Variants in CACNA1E observed in about 807,000 individuals in gnomAD.
The protein encoded by CACNA1E is calcium voltage-gated channel subunit alpha1 E.
In CACNA1E, 40 loss-of-function variants were observed where a neutral mutation model predicts 259.2. The ratio of observed to expected loss-of-function variants is 0.15; its 90% CI spans 0.12 to 0.20. The LOEUF is 0.20. CACNA1E is among the 10% of genes least tolerant of loss of function. CACNA1E has a pLI of 1.00. For synonymous variants in CACNA1E, 1,104 were observed against 1,138.5 expected, an observed-to-expected ratio of 0.97 and a Z score of 0.61; for missense variants, 1,874 against 3,040.1, an observed-to-expected ratio of 0.62 and a Z score of 9.02.
chr1:181,505,170 G>A (rs1349356222), intron 1 of CACNA1E, among the ~76,000 whole-genome samples: 1 of 152,116 alleles, frequency 6.6e-6, no homozygotes, highest in Non-Finnish European at 1.5e-5. Flanking sequence ...GTTGGGATGG[G>A]TTTTTGTGTT....
chr1:181,755,087 T>A (rs1657971766), intron 27 of CACNA1E, 150 bp from the exon 28 acceptor site: 3 of 575,616 alleles, frequency 5.2e-6, no homozygotes, highest in Non-Finnish European at 8.9e-6. Context: ...CTTAATCTCA[T>A]GAGCACCACC....
Position 181,739,267 on chromosome 1 carries a change from T to C in CACNA1E, c.3719+14T>C. Reference sequence around the variant, plus strand: ...CTTTGCTCTGGCGTAAGTGACTCTTTTCATATTTGATTCCCTTCCTTCCCC... The same window carrying C: ...CTTTGCTCTGGCGTAAGTGACTCTTCTCATATTTGATTCCCTTCCTTCCCC... On this transcript the variant is annotated intron_variant, in intron 25 of 47. Transcript: ENST00000367573. 1 of 1,528,944 alleles carries C rather than the reference T, an allele frequency of 6.5e-7. No homozygotes were observed. Among genetic ancestry groups the C allele is most frequent in the Non-Finnish European group, 9.1e-7 (1 of 1,102,618 alleles). The allele number at this position is 1,528,944 out of a possible 1,614,324, so 94.7% of individuals were successfully genotyped here.
In CACNA1E at chr1:181,485,322, T is replaced by C. The variant is rs909253407; in HGVS notation, c.266+1312T>C. ...CCCCAGGGCCTGGGCATCTCCCTAC[T>C]CCCCCAACCCCAGTCTCTGGCCTTC... On this transcript the variant is annotated intron_variant, in intron 1 of 47. Transcript: ENST00000367573. The surrounding 1 kb of genome is among the most constrained non-coding windows in gnomAD (Gnocchi z 4.2). Among the ~76,000 whole-genome samples, 1 of 152,038 alleles carries C rather than the reference T, an allele frequency of 6.6e-6. No individual in the cohort carries two copies. The highest frequency in any genetic ancestry group is 2.4e-5 in the African/African-American group (1 of 41,374).
At chr1:181,721,905 C>G (rs895400920) in intron 16 of CACNA1E, 30 bp downstream of exon 16, 14 of 1,373,190 alleles carry the variant, frequency 1.0e-5, no homozygotes, top group Non-Finnish European at 1.4e-5. Flanking sequence ...CCTCCTCAAG[C>G]TGCCTGCCTT....
At chr1:181,723,552 C>A (rs970164133) in intron 16 of CACNA1E, among the ~76,000 whole-genome samples, 1 of 152,198 alleles carries the variant, frequency 6.6e-6, no homozygotes, top group Non-Finnish European at 1.5e-5. Flanking sequence ...AATTCTGACG[C>A]TATCTACCTG....
At chr1:181,406,036 T>C (rs1657440856) in intron 1 of CACNA1E, among the ~76,000 whole-genome samples, 1 of 152,210 alleles carries the variant, frequency 6.6e-6, no homozygotes, top group African/African-American at 2.4e-5. Flanking sequence ...ACTAAGATCT[T>C]ATGGCCTGCA....
chr1:181,781,155 G>A (rs1572880793), intron 38 of CACNA1E, among the ~76,000 whole-genome samples: 1 of 152,134 alleles, frequency 6.6e-6, no homozygotes, highest in Non-Finnish European at 1.5e-5. Context: ...CAGTTTTCCC[G>A]GGTCTGTGTG....
At chr1:181,594,383 G>C (rs1652953024) in intron 6 of CACNA1E, among the ~76,000 whole-genome samples, 1 of 152,124 alleles carries the variant, frequency 6.6e-6, no homozygotes. Flanking sequence ...TAAGAATAAA[G>C]TAGTATCAGG....
In CACNA1E at chr1:181,519,395, A is replaced by G. The variant is rs144818991; in HGVS notation, c.512+7885A>G. Among the ~76,000 whole-genome samples the G allele has an allele frequency of 7.9e-5, 12 of 152,266 alleles. No homozygotes were observed. In the East Asian group the frequency reaches 1.5e-3, roughly 20 times the overall value. On this transcript the variant is annotated intron_variant, in intron 3 of 47. Transcript: ENST00000367573. ...ACTGAAGTCAGGAAATAGCAGATATAATGAGTGCAGAGTGGTTACCAAAGG... is the reference window on the plus strand; with the variant it reads ...ACTGAAGTCAGGAAATAGCAGATATGATGAGTGCAGAGTGGTTACCAAAGG...
At chr1:181,690,882 C>T (rs553283855) in intron 7 of CACNA1E, among the ~76,000 whole-genome samples, 7 of 151,684 alleles carry the variant, frequency 4.6e-5, no homozygotes, top group Non-Finnish European at 8.8e-5. Context: ...TCTACATAGA[C>T]GACTTCTTTA....
intron 3 of CACNA1E, among the ~76,000 whole-genome samples, chr1:181,559,353 G>A (rs1649075968): frequency 6.6e-6 from 1 of 152,210 alleles, no homozygotes. Flanking sequence ...GGTATGCAAG[G>A]AGAGAGGTCT....
At chr1:181,739,456 G>A (rs754009175) in intron 25 of CACNA1E, among the ~76,000 whole-genome samples, 4 of 152,210 alleles carry the variant, frequency 2.6e-5, no homozygotes, top group Admixed American at 2.0e-4. Flanking sequence ...CAGAACGGGG[G>A]AAGCAGGAGT....
intron 38 of CACNA1E, among the ~76,000 whole-genome samples, chr1:181,780,141 T>C (rs576845532): frequency 6.6e-6 from 1 of 152,150 alleles, no homozygotes; most frequent in East Asian, 1.9e-4. Flanking sequence ...AAAAGAGGCA[T>C]GGATTTGGTG....
intron 7 of CACNA1E, among the ~76,000 whole-genome samples, chr1:181,697,657 T>C (rs1334068893): frequency 1.3e-5 from 2 of 152,222 alleles, no homozygotes; most frequent in Admixed American, 1.3e-4. Context: ...ACCTGAAAAC[T>C]GAAATGAAAA....
chr1:181,566,205 C>A (rs1391332745), intron 3 of CACNA1E, among the ~76,000 whole-genome samples: 1 of 152,154 alleles, frequency 6.6e-6, no homozygotes, highest in East Asian at 1.9e-4. Flanking sequence ...TGAAAGCACT[C>A]CAAATTTGGA....
chr1:181,407,833 C>G (rs1657576314), intron 1 of CACNA1E, among the ~76,000 whole-genome samples: 1 of 152,204 alleles, frequency 6.6e-6, no homozygotes, highest in Admixed American at 6.5e-5. Context: ...AGTTCTCTCT[C>G]AAGAGAATCA....
chr1:181,416,754 A>C (rs569553203), intron 2 of CACNA1E, among the ~76,000 whole-genome samples: 3 of 152,150 alleles, frequency 2.0e-5, no homozygotes, highest in Non-Finnish European at 2.9e-5. Context: ...TCCTGTCCTA[A>C]AAATGCCAGC....
chr1:181,397,933 C>G (rs1283273934), intron 1 of CACNA1E, among the ~76,000 whole-genome samples: 1 of 152,216 alleles, frequency 6.6e-6, no homozygotes, highest in Non-Finnish European at 1.5e-5. Flanking sequence ...GAGCTGGTGG[C>G]CATCGCCTTT....
intron 1 of CACNA1E, among the ~76,000 whole-genome samples, chr1:181,325,430 A>G (rs1026555415): frequency 2.0e-5 from 3 of 152,114 alleles, no homozygotes; most frequent in African/African-American, 7.2e-5. Flanking sequence ...ATCCTGTCCC[A>G]AGGTGTGGTT....
Sources: allele counts gnomAD v4.1 joint callset (sites outside exome capture counted in the v4.1 genomes callset), GRCh38; gene constraint gnomAD v4.1.1; non-coding constraint Gnocchi (gnomAD v3.1); transcripts MANE v1.5; gene names NCBI Gene and HGNC (gene_info 2026-07-23, HGNC 2026-07-21).